Variants in AUTS2 observed in about 807,000 individuals in gnomAD.
The protein encoded by AUTS2 is activator of transcription and developmental regulator AUTS2, also known as autism susceptibility gene 2 protein.
In AUTS2, 17 loss-of-function variants were observed where a neutral mutation model predicts 112.4. The observed-to-expected ratio is 0.15, with a 90% confidence interval of 0.10 to 0.23. The LOEUF (loss-of-function observed/expected upper bound fraction) is 0.23, where lower values mean the gene tolerates loss of function less well. AUTS2 is among the 10% of genes least tolerant of loss of function. AUTS2 has a pLI of 1.00. For synonymous variants in AUTS2, 751 were observed against 702.7 expected, an observed-to-expected ratio of 1.07 and a Z score of -1.09; for missense variants, 1,510 against 1,701.6, an observed-to-expected ratio of 0.89 and a Z score of 1.98.
chr7:70,222,769 A>G (rs1198730837), intron 4 of AUTS2, among the ~76,000 whole-genome samples: 1 of 152,156 alleles, frequency 6.6e-6, no homozygotes, highest in Non-Finnish European at 1.5e-5. Flanking sequence ...TAAGAGGAGA[A>G]CTGGCTTTTA....
At chr7:69,941,230 G>A (rs1206267661) in intron 2 of AUTS2, among the ~76,000 whole-genome samples, 1 of 152,210 alleles carries the variant, frequency 6.6e-6, no homozygotes, top group Non-Finnish European at 1.5e-5. Flanking sequence ...TTGAGTCAAA[G>A]CGTGGGATGA....
At chr7:70,237,918 C>G (rs1812411156) in intron 4 of AUTS2, among the ~76,000 whole-genome samples, 1 of 152,174 alleles carries the variant, frequency 6.6e-6, no homozygotes. Context: ...GAAGAAAAAG[C>G]AACTTGTCAC....
chr7:69,898,662 C>A (rs982094267), intron 1 of AUTS2, among the ~76,000 whole-genome samples: 1 of 152,130 alleles, frequency 6.6e-6, no homozygotes, highest in African/African-American at 2.4e-5. Flanking sequence ...CATCCCCAAC[C>A]ACACACAGGA....
intron 17 of AUTS2, 147 bp downstream of exon 17, chr7:70,786,185 T>G: frequency 1.5e-6 from 1 of 666,482 alleles, no homozygotes; most frequent in East Asian, 2.9e-5. Flanking sequence ...GCCTTCACAG[T>G]GGGGTGAGGT....
At chr7:69,722,735 C>T (rs1281861229) in intron 1 of AUTS2, among the ~76,000 whole-genome samples, 9 of 152,064 alleles carry the variant, frequency 5.9e-5, no homozygotes, top group African/African-American at 1.7e-4. Flanking sequence ...ATCCTTTCAT[C>T]GTTGATGTGC....
intron 4 of AUTS2, among the ~76,000 whole-genome samples, chr7:70,260,975 C>G (rs1051277725): frequency 6.6e-6 from 1 of 152,044 alleles, no homozygotes; most frequent in African/African-American, 2.4e-5. Flanking sequence ...TCTCGATCCC[C>G]TAACCTTGTG....
chr7:69,927,851 G>A (rs1302482234), intron 2 of AUTS2, among the ~76,000 whole-genome samples: 1 of 152,216 alleles, frequency 6.6e-6, no homozygotes, highest in Admixed American at 6.5e-5. Flanking sequence ...AGTGGCACCT[G>A]AAAGTGCAGA....
Position 70,790,843 on chromosome 7 carries a change from C to T in AUTS2, c.3627C>T (p.Asn1209=). The T allele has an allele frequency of 1.2e-6, 2 of 1,607,296 alleles. No individual in the cohort carries two copies. Among genetic ancestry groups the T allele is most frequent in the African/African-American group, 1.3e-5 (1 of 74,942 alleles). The change falls in exon 19 of 19, where the codon AAC becomes AAT. Residue 1209 remains asparagine (N), a synonymous_variant. Coordinates refer to ENST00000342771, the MANE Select transcript of AUTS2 (RefSeq NM_015570.4). The surrounding 1 kb of genome is among the most constrained non-coding windows in gnomAD (Gnocchi z 7.6). ...PTAGNQNGLL[N]KTPPTAALSA... is the part of the protein sequence containing the mutation. ...CGGGCAACCAGAACGGACTCCTCAA[C>T]AAGACCCCTCCGACAGCAGCGCTGA...
chr7:69,770,251 T>A (rs1788602762), intron 1 of AUTS2, among the ~76,000 whole-genome samples: 1 of 152,258 alleles, frequency 6.6e-6, no homozygotes, highest in Non-Finnish European at 1.5e-5. Context: ...GCAAAACATC[T>A]TCTTGCACTT....
intron 5 of AUTS2, among the ~76,000 whole-genome samples, chr7:70,685,242 G>T (rs190642614): frequency 6.6e-6 from 1 of 152,186 alleles, no homozygotes; most frequent in African/African-American, 2.4e-5. Flanking sequence ...GGAGGCTGAG[G>T]TAGGTGGATC....
chr7:69,778,243 TA>T (rs1175059329), intron 1 of AUTS2, among the ~76,000 whole-genome samples: 37 of 72,168 alleles, frequency 5.1e-4, no homozygotes, highest in South Asian at 2.6e-3. Context: ...TATATATATA[TA>T]TATTTTTTTT....
chr7:69,756,471 G>A (rs1787949305), intron 1 of AUTS2, among the ~76,000 whole-genome samples: 1 of 152,234 alleles, frequency 6.6e-6, no homozygotes, highest in East Asian at 1.9e-4. Flanking sequence ...AGAAAGGAGA[G>A]CTGTGGAAAT....
At chr7:70,582,446 T>C (rs899169654) in intron 5 of AUTS2, among the ~76,000 whole-genome samples, 2 of 152,150 alleles carry the variant, frequency 1.3e-5, no homozygotes, top group South Asian at 2.1e-4. Context: ...GTGGAGAGTA[T>C]GTATATTTGT....
In AUTS2 at chr7:69,714,138, G is replaced by T. The variant is rs552863319; in HGVS notation, c.309+114176G>T. Among the ~76,000 whole-genome samples the T allele has an allele frequency of 4.0e-4, 61 of 151,622 alleles. 1 individual carries two copies. Among genetic ancestry groups the T allele is most frequent in the Middle Eastern group, 6.8e-3 (2 of 294 alleles). ...TGCAGTGGTATGATCACAGCTCACT[G>T]CAGCCTTGACCTCCTGGGTTCAAGT... On this transcript the variant is annotated intron_variant, in intron 1 of 18. Coordinates refer to ENST00000342771, the MANE Select transcript of AUTS2 (RefSeq NM_015570.4).
intron 5 of AUTS2, among the ~76,000 whole-genome samples, chr7:70,479,556 A>G (rs901207319): frequency 6.6e-6 from 1 of 152,284 alleles, no homozygotes; most frequent in African/African-American, 2.4e-5. Context: ...TGCATTGAAC[A>G]GCTCTTCTTC....
At chr7:69,922,319 A>G (rs545436676) in intron 2 of AUTS2, among the ~76,000 whole-genome samples, 73 of 152,198 alleles carry the variant, frequency 4.8e-4, no homozygotes, top group Non-Finnish European at 9.1e-4. Context: ...TGTTGGCATT[A>G]TTACTCACCT....
intron 2 of AUTS2, among the ~76,000 whole-genome samples, chr7:69,901,829 T>G (rs890212946): frequency 5.3e-5 from 8 of 152,226 alleles, no homozygotes; most frequent in Non-Finnish European, 1.0e-4. Flanking sequence ...TTAGAATCAC[T>G]TGTGCTATTA....
chr7:70,276,037 G>A (rs1787911818), intron 4 of AUTS2, among the ~76,000 whole-genome samples: 1 of 152,128 alleles, frequency 6.6e-6, no homozygotes, highest in Non-Finnish European at 1.5e-5. Flanking sequence ...CATCTCTGTA[G>A]CTAACATTTG....
At chr7:69,957,030 G>GT (rs1797240067) in intron 2 of AUTS2, among the ~76,000 whole-genome samples, 1 of 149,634 alleles carries the variant, frequency 6.7e-6, no homozygotes, top group Admixed American at 6.7e-5. Flanking sequence ...GCCTGACTAA[G>GT]TTTTTTCTTT....
Sources: allele counts gnomAD v4.1 joint callset (sites outside exome capture counted in the v4.1 genomes callset), GRCh38; gene constraint gnomAD v4.1.1; non-coding constraint Gnocchi (gnomAD v3.1); transcripts MANE v1.5; gene names NCBI Gene and HGNC (gene_info 2026-07-23, HGNC 2026-07-21).